OIT3: variants seen among roughly 807,000 people sequenced by gnomAD.
OIT3 encodes the protein oncoprotein-induced transcript 3 protein.
In OIT3, 41 loss-of-function variants were observed where a neutral mutation model predicts 52.2. The ratio of observed to expected loss-of-function variants is 0.79; its 90% CI spans 0.61 to 1.02. The LOEUF (loss-of-function observed/expected upper bound fraction) is 1.02, where lower values mean the gene tolerates loss of function less well. Among genes scored for constraint, OIT3 ranks in the 50% least tolerant of loss-of-function variants. OIT3 has a pLI of 0.00. For missense variants in OIT3, 634 were observed against 715.5 expected (o/e 0.89, Z 1.30); for synonymous variants, 244 against 276.9 (o/e 0.88, Z 1.18).
At chr10:72,903,008 G>A (rs1007833083) in intron 3 of OIT3, among the ~76,000 whole-genome samples, 1 of 152,116 alleles carries the variant, frequency 6.6e-6, no homozygotes, top group African/African-American at 2.4e-5. Flanking sequence ...CCTATGTGGG[G>A]TCTGTGGGAC....
chr10:72,905,921 A>C (rs997501978), intron 3 of OIT3, among the ~76,000 whole-genome samples: 1 of 152,160 alleles, frequency 6.6e-6, no homozygotes, highest in Non-Finnish European at 1.5e-5. Flanking sequence ...TCCTTGGTTT[A>C]TGTCCTATCT....
At chr10:72,915,753 A>G (rs1449781609) in intron 6 of OIT3, among the ~76,000 whole-genome samples, 2 of 152,136 alleles carry the variant, frequency 1.3e-5, no homozygotes, top group Admixed American at 1.3e-4. Context: ...AAAACATGCC[A>G]TTCTGTAGAT....
Position 72,932,307 on chromosome 10 carries a change from G to A in OIT3, c.1468-47G>A, listed in dbSNP as rs777283226. 11 of 1,562,674 alleles carry A rather than the reference G, an allele frequency of 7.0e-6. No homozygotes were observed. The African/African-American group carries it at 1.4e-4, about 19-fold the overall frequency. On this transcript the variant is annotated intron_variant, in intron 8 of 8. Coordinates refer to ENST00000334011, the MANE Select transcript of OIT3 (RefSeq NM_152635.3). ...ATTGTGTCTTGTAAGTGCCCCACAA[G>A]TGGCAGCAGTTATTGTTTTTATTAA...
At chr10:72,895,739 G>A (rs181950328) in intron 1 of OIT3, among the ~76,000 whole-genome samples, 2 of 152,296 alleles carry the variant, frequency 1.3e-5, no homozygotes, top group South Asian at 2.1e-4. Context: ...TTGGCCCTGC[G>A]TGGTCCTGGT....
chr10:72,913,269 A>G, intron 5 of OIT3, 39 bp from the exon 6 acceptor site: 1 of 1,505,158 alleles, frequency 6.6e-7, no homozygotes, highest in Non-Finnish European at 9.0e-7. Context: ...CTCCCGATTC[A>G]GGTTTCCTGG....
intron 7 of OIT3, among the ~76,000 whole-genome samples, chr10:72,929,900 G>A (rs976919194): frequency 2.6e-5 from 4 of 152,054 alleles, no homozygotes; most frequent in Non-Finnish European, 5.9e-5. Flanking sequence ...TTTGCTTTAA[G>A]CAGTAGACCT....
chr10:72,894,259 G>C (rs1033646139), intron 1 of OIT3, among the ~76,000 whole-genome samples: 1 of 152,120 alleles, frequency 6.6e-6, no homozygotes, highest in Non-Finnish European at 1.5e-5. Flanking sequence ...GTTGCCATGG[G>C]GGGCACAGAT....
rs143920357 is a variant in OIT3, at chr10:72,916,206, G to A, written c.951+2738G>A. Among the ~76,000 whole-genome samples the A allele has an allele frequency of 7.6e-3, 1,156 of 152,240 alleles. 21 individuals are homozygous for A. The highest frequency in any genetic ancestry group is 0.027 in the African/African-American group (1,102 of 41,514). On this transcript the variant is annotated intron_variant, in intron 6 of 8. Coordinates refer to ENST00000334011, the MANE Select transcript of OIT3 (RefSeq NM_152635.3). The stretch of plus-strand genomic sequence containing the variant: ...AAGTTCAGGGGTACATGTGCAGCAT[G>A]TGCAGGTTTGTTACATATGTAAATG...
At position 72,898,705 on chromosome 10, in the gene OIT3, T is replaced by C. The variant is rs1420940310; in HGVS notation, c.103T>C (p.Trp35Arg). Residue 35 changes from tryptophan to arginine, a missense_variant, in exon 2 of 9, where the codon TGG becomes CGG. By Grantham distance (101) the Trp-to-Arg change is moderately radical. Transcript: ENST00000334011. ...CSAYISLNEP[W>R]RNTDHQLDES... ...TGCTTACATCAGCCTGAATGAGCCC[T>C]GGAGGAACACTGACCACCAGTTGGA... is the stretch of plus-strand genomic sequence containing the variant. The C allele has an allele frequency of 1.2e-6, 2 of 1,614,048 alleles. No individual in the cohort carries two copies. Among genetic ancestry groups the C allele is most frequent in the South Asian group, 2.2e-5 (2 of 91,074 alleles).
rs148210103 is a variant in OIT3 at position 72,926,004 on chromosome 10, C to T, written c.1367+1360C>T. 9.8e-5 allele frequency among the ~76,000 whole-genome samples: 15 copies of T among 152,340 alleles called. No homozygotes were observed. In the East Asian group the frequency reaches 2.1e-3, roughly 22 times the overall value. ...CTGAGGTACTGATGGAGACCTAGTC[C>T]TTTTCATAGGCATTGCCTACATTCC... On this transcript the variant is annotated intron_variant, in intron 7 of 8. Transcript: ENST00000334011.
At chr10:72,918,922 G>A (rs1846098390) in intron 6 of OIT3, among the ~76,000 whole-genome samples, 1 of 152,122 alleles carries the variant, frequency 6.6e-6, no homozygotes, top group South Asian at 2.1e-4. Flanking sequence ...CTCCAGCTTT[G>A]TTCTTTTGCT....
chr10:72,924,753 T>G (rs138615184), intron 7 of OIT3, 109 bp downstream of exon 7: 1 of 919,196 alleles, frequency 1.1e-6, no homozygotes, highest in African/African-American at 1.7e-5. Flanking sequence ...TGTCAGCAAT[T>G]TATTAGTTCA....
chr10:72,916,570 A>G (rs895594389), intron 6 of OIT3, among the ~76,000 whole-genome samples: 4 of 152,146 alleles, frequency 2.6e-5, no homozygotes, highest in African/African-American at 9.7e-5. Context: ...TACCCAGCCT[A>G]TCATTGATGG....
At chr10:72,896,097 A>G (rs762564912) in intron 1 of OIT3, among the ~76,000 whole-genome samples, 6 of 152,182 alleles carry the variant, frequency 3.9e-5, no homozygotes, top group Non-Finnish European at 5.9e-5. Flanking sequence ...CTCATACCCT[A>G]TCTCCCCTAC....
At chr10:72,903,505 G>A (rs1429963369) in intron 3 of OIT3, among the ~76,000 whole-genome samples, 1 of 152,222 alleles carries the variant, frequency 6.6e-6, no homozygotes, top group Non-Finnish European at 1.5e-5. Flanking sequence ...TGGGATTACA[G>A]GCGTGAGCCA....
At chr10:72,922,694 T>A (rs1443818506) in intron 6 of OIT3, among the ~76,000 whole-genome samples, 1 of 152,180 alleles carries the variant, frequency 6.6e-6, no homozygotes, top group East Asian at 1.9e-4. Flanking sequence ...ATTTCAGCCA[T>A]GTCAGCTGCA....
intron 7 of OIT3, among the ~76,000 whole-genome samples, chr10:72,927,592 G>A (rs1417339368): frequency 6.6e-6 from 1 of 152,208 alleles, no homozygotes; most frequent in Non-Finnish European, 1.5e-5. Context: ...TACTTTGTAA[G>A]CAGACAAATC....
At chr10:72,897,250 C>T (rs1319670507) in intron 1 of OIT3, among the ~76,000 whole-genome samples, 1 of 152,146 alleles carries the variant, frequency 6.6e-6, no homozygotes, top group Admixed American at 6.5e-5. Flanking sequence ...TCTCGAACTC[C>T]TGACCTCAGG....
At chr10:72,909,117 C>CTTTTT (rs35778299) in intron 4 of OIT3, among the ~76,000 whole-genome samples, 1 of 111,758 alleles carries the variant, frequency 8.9e-6, no homozygotes, top group Non-Finnish European at 1.9e-5. Flanking sequence ...TTCCCAGTGT[C>CTTTTT]TTTTTTTTTT....
Sources: allele counts gnomAD v4.1 joint callset (sites outside exome capture counted in the v4.1 genomes callset), GRCh38; gene constraint gnomAD v4.1.1; transcripts MANE v1.5; gene names NCBI Gene and HGNC (gene_info 2026-07-23, HGNC 2026-07-21).